CCSER1: variants seen among roughly 807,000 people sequenced by gnomAD.
CCSER1 encodes serine-rich coiled-coil domain-containing protein 1.
Under a neutral mutation model 82.0 loss-of-function variants are expected in CCSER1, and 41 were observed. That is an observed-to-expected ratio of 0.50 (90% CI 0.39 to 0.65). CCSER1 has a LOEUF of 0.65. Among genes scored for constraint, CCSER1 ranks in the 30% least tolerant of loss-of-function variants. The pLI is 0.00. For synonymous variants in CCSER1, 414 were observed against 383.9 expected (o/e 1.08, Z -0.92); for missense variants, 1,119 against 1,064.2 (o/e 1.05, Z -0.72).
At chr4:90,793,176 T>C (rs1166302076) in intron 7 of CCSER1, among the ~76,000 whole-genome samples, 1 of 152,236 alleles carries the variant, frequency 6.6e-6, no homozygotes, top group Non-Finnish European at 1.5e-5. Context: ...TTTTTTTTTC[T>C]TTTTTAAATT....
intron 9 of CCSER1, among the ~76,000 whole-genome samples, chr4:90,960,213 T>C (rs1349167489): frequency 6.6e-6 from 1 of 152,158 alleles, no homozygotes; most frequent in African/African-American, 2.4e-5. Flanking sequence ...AATGCTTTTA[T>C]ATGCAAAACA....
chr4:91,193,765 A>G (rs996468937), intron 10 of CCSER1, among the ~76,000 whole-genome samples: 1 of 152,036 alleles, frequency 6.6e-6, no homozygotes. Context: ...GACACAATGA[A>G]TGCCCATTGC....
At chr4:90,779,743 T>G (rs1202747215) in intron 7 of CCSER1, among the ~76,000 whole-genome samples, 1 of 152,212 alleles carries the variant, frequency 6.6e-6, no homozygotes, top group African/African-American at 2.4e-5. Flanking sequence ...CTTAGACATG[T>G]GACCCAATCC....
chr4:91,111,948 T>G (rs1395466176), intron 10 of CCSER1, among the ~76,000 whole-genome samples: 2 of 151,946 alleles, frequency 1.3e-5, no homozygotes, highest in Non-Finnish European at 2.9e-5. Context: ...ATTTTCTTTC[T>G]AACCTTGGAA....
intron 5 of CCSER1, among the ~76,000 whole-genome samples, chr4:90,605,732 T>G (rs1404800099): frequency 6.6e-6 from 1 of 152,188 alleles, no homozygotes; most frequent in Non-Finnish European, 1.5e-5. Context: ...TTGCTAAAAA[T>G]GTAAATGATT....
chr4:91,292,849 T>A (rs553862706), intron 10 of CCSER1, among the ~76,000 whole-genome samples: 6 of 152,092 alleles, frequency 3.9e-5, no homozygotes, highest in Admixed American at 1.3e-4. Flanking sequence ...AATGCTTGAG[T>A]ATCCACTTGT....
At chr4:90,779,107 G>A (rs1202501711) in intron 7 of CCSER1, among the ~76,000 whole-genome samples, 1 of 151,968 alleles carries the variant, frequency 6.6e-6, no homozygotes, top group Non-Finnish European at 1.5e-5. Context: ...ACCCTTTACT[G>A]CTTCATTCAT....
intron 10 of CCSER1, among the ~76,000 whole-genome samples, chr4:91,446,883 G>C (rs1033563209): frequency 2.0e-5 from 3 of 151,866 alleles, no homozygotes; most frequent in Non-Finnish European, 2.9e-5. Flanking sequence ...GCAATATATT[G>C]AATTTCTTCT....
chr4:91,106,093 T>C (rs1244804342), intron 10 of CCSER1, among the ~76,000 whole-genome samples: 1 of 152,234 alleles, frequency 6.6e-6, no homozygotes, highest in Non-Finnish European at 1.5e-5. Context: ...TGTGGCAAGA[T>C]ACATTTCACT....
intron 4 of CCSER1, among the ~76,000 whole-genome samples, chr4:90,411,304 T>G (rs917171399): frequency 1.3e-5 from 2 of 152,012 alleles, no homozygotes; most frequent in Admixed American, 1.3e-4. Flanking sequence ...TACCAAAGCC[T>G]GGCAGAGACA....
chr4:91,491,154 T>G (rs1758520542), intron 10 of CCSER1, among the ~76,000 whole-genome samples: 1 of 151,280 alleles, frequency 6.6e-6, no homozygotes, highest in Admixed American at 6.6e-5. Flanking sequence ...ATCTAGACAA[T>G]GATGGAGACA....
At chr4:91,411,750 A>C (rs1447768763) in intron 10 of CCSER1, among the ~76,000 whole-genome samples, 18 of 9,274 alleles carry the variant, frequency 1.9e-3, no homozygotes, top group Non-Finnish European at 2.2e-3. Context: ...TAGTGGCACA[A>C]AAAAAAAATG....
chr4:91,315,385 C>T (rs1324953902), intron 10 of CCSER1, among the ~76,000 whole-genome samples: 2 of 151,898 alleles, frequency 1.3e-5, no homozygotes, highest in Non-Finnish European at 2.9e-5. Flanking sequence ...CAGGCAGAGA[C>T]AGTGCTGTAT....
chr4:91,415,028 G>C (rs1005071914), intron 10 of CCSER1, among the ~76,000 whole-genome samples: 3 of 152,094 alleles, frequency 2.0e-5, no homozygotes, highest in African/African-American at 7.2e-5. Context: ...AGATCATCCA[G>C]ACACAAAACC....
chr4:90,916,931 C>T (rs570673371), intron 8 of CCSER1, among the ~76,000 whole-genome samples: 4 of 152,210 alleles, frequency 2.6e-5, no homozygotes, highest in African/African-American at 9.6e-5. Flanking sequence ...TCATCACTGG[C>T]CATCATAGAA....
At chr4:90,250,542 G>T (rs1722207361) in intron 1 of CCSER1, among the ~76,000 whole-genome samples, 1 of 152,010 alleles carries the variant, frequency 6.6e-6, no homozygotes, top group South Asian at 2.1e-4. Flanking sequence ...AGGGCTATCT[G>T]TACTCTTGGT....
intron 10 of CCSER1, among the ~76,000 whole-genome samples, chr4:91,166,648 C>T (rs1054383092): frequency 5.9e-5 from 9 of 152,060 alleles, no homozygotes; most frequent in Non-Finnish European, 1.2e-4. Context: ...TTAACTTTTT[C>T]CTCTCTTTAT....
intron 5 of CCSER1, among the ~76,000 whole-genome samples, chr4:90,499,279 T>C (rs866336094): frequency 6.6e-6 from 1 of 152,108 alleles, no homozygotes; most frequent in African/African-American, 2.4e-5. Context: ...CAAATGTATG[T>C]CTTCCAAATT....
At chr4:91,415,271 T>G (rs1753287361) in intron 10 of CCSER1, among the ~76,000 whole-genome samples, 1 of 152,144 alleles carries the variant, frequency 6.6e-6, no homozygotes, top group African/African-American at 2.4e-5. Context: ...TATCTGAGGC[T>G]TTGCTGAAGT....
Sources: allele counts gnomAD v4.1 joint callset (sites outside exome capture counted in the v4.1 genomes callset), GRCh38; gene constraint gnomAD v4.1.1; transcripts MANE v1.5; gene names NCBI Gene and HGNC (gene_info 2026-07-23, HGNC 2026-07-21).